PGAP1: variants seen among roughly 807,000 people sequenced by gnomAD.
The protein encoded by PGAP1 is post-GPI attachment to proteins inositol deacylase 1.
A neutral mutation model predicts 127.0 loss-of-function variants in PGAP1; 76 were observed. The observed-to-expected ratio is 0.60, with a 90% CI of 0.50 to 0.72. The LOEUF (loss-of-function observed/expected upper bound fraction) is 0.72. PGAP1 is among the 30% of genes least tolerant of loss of function. The pLI, the probability that PGAP1 is intolerant of heterozygous loss-of-function variation, is 0.00. For missense variants in PGAP1, 982 were observed against 1,071.3 expected, an observed-to-expected ratio of 0.92 and a Z score of 1.16; for synonymous variants, 362 against 366.5, an observed-to-expected ratio of 0.99 and a Z score of 0.14.
chr2:196,833,828 T>C lies in PGAP1; in HGVS notation c.*7406A>G, dbSNP rs993287241. On this transcript the variant is annotated 3_prime_UTR_variant, in exon 27 of 27. Coordinates refer to ENST00000354764, the MANE Select transcript of PGAP1 (RefSeq NM_024989.4). ...GAATAAAATAATTTGGACCTTAATA[T>C]AAATTATATCCATTATTTTAAATAA... 8 of 152,038 alleles carry C rather than the reference T, an allele frequency of 5.3e-5. No homozygotes were observed. Among genetic ancestry groups the C allele is most frequent in the Non-Finnish European group, 1.2e-4 (8 of 67,952 alleles). 9.4% of individuals were successfully genotyped at this position (152,038 alleles called of 1,614,324 possible).
chr2:196,921,468 G>A lies in PGAP1; in HGVS notation c.148-1318C>T, dbSNP rs927489763. Among the ~76,000 whole-genome samples the A allele has an allele frequency of 2.0e-5, 3 of 152,066 alleles. No individual in the cohort carries two copies. In the East Asian group the frequency reaches 5.8e-4, roughly 29 times the overall value. ...GAATACAATCAAAAATGAAAATGAT[G>A]TGATAGTTTACTTCTTTAGGTACAA... On this transcript the variant is annotated intron_variant, in intron 1 of 26. Coordinates refer to ENST00000354764, the MANE Select transcript of PGAP1 (RefSeq NM_024989.4).
chr2:196,863,272 T>C (rs904630402), intron 20 of PGAP1, among the ~76,000 whole-genome samples: 1 of 152,188 alleles, frequency 6.6e-6, no homozygotes, highest in East Asian at 1.9e-4. Flanking sequence ...TGCATCCCCA[T>C]GTTTACTGTA....
chr2:196,904,452 A>G (rs1427252315), intron 4 of PGAP1, among the ~76,000 whole-genome samples: 3 of 152,180 alleles, frequency 2.0e-5, no homozygotes, highest in Non-Finnish European at 4.4e-5. Context: ...AAAAGTCTAG[A>G]GGCAGCTGGG....
chr2:196,847,146 G>A lies in PGAP1; in HGVS notation c.2007C>T (p.Ala669=), dbSNP rs149815494. 0.013 allele frequency: 21,529 copies of A among 1,612,652 alleles called. 320 individuals are homozygous for A. Among genetic ancestry groups the A allele is most frequent in the Non-Finnish European group, 0.013 (15,462 of 1,179,130 alleles). ...WDVLLLPELD[A]VILTCQSMCF... ...ACATACTCTGACAAGTTAAAATGAC[G>A]GCATCTAATTCTGGTAACAATAATA... Residue 669 remains alanine, a synonymous_variant, in exon 22 of 27, where the codon GCC becomes GCT. Coordinates refer to ENST00000354764, the MANE Select transcript of PGAP1 (RefSeq NM_024989.4).
intron 6 of PGAP1, among the ~76,000 whole-genome samples, chr2:196,897,859 A>G (rs1230545422): frequency 6.6e-6 from 1 of 152,246 alleles, no homozygotes; most frequent in East Asian, 1.9e-4. Context: ...AACCAAGATG[A>G]GAGTTCCAAG....
In PGAP1 at chr2:196,836,450, T is replaced by A. The variant is rs1363070409; in HGVS notation, c.*4784A>T. On this transcript the variant is annotated 3_prime_UTR_variant, in exon 27 of 27. Transcript: ENST00000354764. ...GTTATTAACAGATAATAAATTCATA[T>A]AAGTTCTTCTGTACTCAATACAATT... The A allele has an allele frequency of 6.6e-6, 1 of 152,228 alleles. No homozygotes were observed. The highest frequency in any genetic ancestry group is 1.9e-4 in the East Asian group (1 of 5,208). 9.4% of individuals were successfully genotyped at this position (152,228 alleles called of 1,614,324 possible). A position where few individuals can be genotyped will look rare whatever the true frequency, so the allele number is the denominator to read the frequency against.
intron 20 of PGAP1, among the ~76,000 whole-genome samples, chr2:196,849,186 C>A (rs1007484772): frequency 6.6e-6 from 1 of 151,680 alleles, no homozygotes; most frequent in Admixed American, 6.6e-5. Flanking sequence ...AAAACGAGAC[C>A]TTTTTCAGAC....
intron 20 of PGAP1, among the ~76,000 whole-genome samples, chr2:196,863,541 T>C (rs577238416): frequency 6.6e-6 from 1 of 152,184 alleles, no homozygotes; most frequent in Admixed American, 6.5e-5. Context: ...AGCTAGAGAA[T>C]AGATGGTTAC....
intron 12 of PGAP1, among the ~76,000 whole-genome samples, chr2:196,885,017 A>T (rs959249516): frequency 1.3e-5 from 2 of 152,160 alleles, no homozygotes; most frequent in Non-Finnish European, 2.9e-5. Flanking sequence ...ACCATGTATC[A>T]TATCTGTTTG....
chr2:196,903,498 T>C (rs1361234503), intron 4 of PGAP1, among the ~76,000 whole-genome samples: 1 of 145,330 alleles, frequency 6.9e-6, no homozygotes, highest in African/African-American at 2.6e-5. Context: ...GAGGCAGAGG[T>C]TGCAGTGAGC....
intron 10 of PGAP1, among the ~76,000 whole-genome samples, chr2:196,890,608 A>G (rs1324332946): frequency 6.6e-6 from 1 of 152,184 alleles, no homozygotes; most frequent in Non-Finnish European, 1.5e-5. Context: ...ACAGGGTGGG[A>G]GACCTAAACT....
At chr2:196,913,875 AC>A (rs1702916580) in intron 3 of PGAP1, among the ~76,000 whole-genome samples, 1 of 152,196 alleles carries the variant, frequency 6.6e-6, no homozygotes, top group Non-Finnish European at 1.5e-5. Flanking sequence ...GTTTGTGCAA[AC>A]AACATGTTTT....
intron 4 of PGAP1, among the ~76,000 whole-genome samples, chr2:196,905,656 A>G (rs1449402660): frequency 6.6e-6 from 1 of 151,934 alleles, no homozygotes; most frequent in Non-Finnish European, 1.5e-5. Flanking sequence ...GCGACGCAGA[A>G]GACGGGTGAT....
Position 196,901,414 on chromosome 2 carries a change from A to C in PGAP1, c.807+1171T>G, listed in dbSNP as rs182106865. Among the ~76,000 whole-genome samples the C allele has an allele frequency of 1.4e-3, 210 of 152,348 alleles. 1 individual carries two copies. The highest frequency in any genetic ancestry group is 4.9e-3 in the African/African-American group (202 of 41,590). Reference sequence around the variant, plus strand: ...GAACAGTAATCTAAAGTAGGACAACAATAGGTGAGATGAAAAAAGGAGTAT... The same window carrying C: ...GAACAGTAATCTAAAGTAGGACAACCATAGGTGAGATGAAAAAAGGAGTAT... On this transcript the variant is annotated intron_variant, in intron 5 of 26. Transcript: ENST00000354764.
chr2:196,854,468 T>C (rs1290107501), intron 20 of PGAP1, among the ~76,000 whole-genome samples: 1 of 152,230 alleles, frequency 6.6e-6, no homozygotes, highest in Non-Finnish European at 1.5e-5. Context: ...TGTTAAATCT[T>C]CTTTAAAGTT....
At chr2:196,899,800 G>A (rs766311939) in intron 5 of PGAP1, among the ~76,000 whole-genome samples, 3 of 152,078 alleles carry the variant, frequency 2.0e-5, no homozygotes, top group African/African-American at 4.8e-5. Context: ...GTGGGAGGCC[G>A]AGGCGGGTGG....
intron 13 of PGAP1, among the ~76,000 whole-genome samples, chr2:196,876,151 G>T (rs951307289): frequency 1.3e-5 from 2 of 152,086 alleles, no homozygotes; most frequent in Non-Finnish European, 2.9e-5. Flanking sequence ...AGTATTATCA[G>T]CCTAGGCTAA....
At chr2:196,872,899 A>G in intron 17 of PGAP1, 61 bp downstream of exon 17, 2 of 681,890 alleles carry the variant, frequency 2.9e-6, no homozygotes, top group Admixed American at 2.7e-5. Context: ...TAAATAAACT[A>G]AGCAGAATAT....
At chr2:196,845,588 TAA>T (rs201051791) in intron 23 of PGAP1, among the ~76,000 whole-genome samples, 5 of 140,750 alleles carry the variant, frequency 3.6e-5, no homozygotes, top group Non-Finnish European at 3.1e-5. Context: ...AGTGAAATGT[TAA>T]AAAAAAAAAA....
Sources: allele counts gnomAD v4.1 joint callset (sites outside exome capture counted in the v4.1 genomes callset), GRCh38; gene constraint gnomAD v4.1.1; transcripts MANE v1.5; gene names NCBI Gene and HGNC (gene_info 2026-07-23, HGNC 2026-07-21).